The following SORCS2 variants were observed in gnomAD, a reference collection of about 807,000 sequenced individuals.
The protein encoded by SORCS2 is sortilin related VPS10 domain containing receptor 2.
Under a neutral mutation model 141.6 loss-of-function variants are expected in SORCS2, and 100 were observed. The ratio of observed to expected loss-of-function variants is 0.71; its 90% CI spans 0.60 to 0.83. The LOEUF (loss-of-function observed/expected upper bound fraction) is 0.83. Among genes scored for constraint, SORCS2 ranks in the 40% least tolerant of loss-of-function variants. The probability of loss-of-function intolerance (pLI) is 0.00; values close to 1 mark genes in which losing one functional copy is unlikely to be tolerated. For missense variants in SORCS2, 1,646 were observed against 1,560.2 expected, an observed-to-expected ratio of 1.05 and a Z score of -0.93; for synonymous variants, 789 against 676.9, an observed-to-expected ratio of 1.17 and a Z score of -2.57.
chr4:7,404,582 T>C (rs1724849928), intron 2 of SORCS2, among the ~76,000 whole-genome samples: 1 of 152,214 alleles, frequency 6.6e-6, no homozygotes, highest in East Asian at 1.9e-4. Context: ...TGGATCTAAT[T>C]TGCATTTCTC....
chr4:7,728,142 C>T (rs1199718935), intron 21 of SORCS2, among the ~76,000 whole-genome samples: 1 of 152,204 alleles, frequency 6.6e-6, no homozygotes, highest in Non-Finnish European at 1.5e-5. Context: ...CCACTGCTGG[C>T]ATCCAGGGAA....
chr4:7,241,012 G>A (rs1356450066), intron 1 of SORCS2, among the ~76,000 whole-genome samples: 2 of 152,194 alleles, frequency 1.3e-5, no homozygotes, highest in Admixed American at 6.5e-5. Flanking sequence ...TCGGCTCACT[G>A]CAACCTCTGC....
At chr4:7,237,054 A>G (rs1247527646) in intron 1 of SORCS2, among the ~76,000 whole-genome samples, 2 of 152,180 alleles carry the variant, frequency 1.3e-5, no homozygotes, top group Non-Finnish European at 2.9e-5. Flanking sequence ...GCCAGCGCAC[A>G]TGGTCACTGG....
chr4:7,338,382 C>T (rs1287066704), intron 1 of SORCS2, among the ~76,000 whole-genome samples: 2 of 131,218 alleles, frequency 1.5e-5, no homozygotes, highest in Non-Finnish European at 3.2e-5. Flanking sequence ...GGATGGATGT[C>T]GGTTGGATGG....
intron 2 of SORCS2, among the ~76,000 whole-genome samples, chr4:7,455,036 G>A (rs200442609): frequency 0.015 from 533 of 35,816 alleles, 2 homozygotes; most frequent in East Asian, 0.042. Context: ...TTGGGGTCAG[G>A]TGCTGTGTGT....
At chr4:7,215,139 G>A (rs976618726) in intron 1 of SORCS2, among the ~76,000 whole-genome samples, 2 of 152,156 alleles carry the variant, frequency 1.3e-5, no homozygotes, top group Admixed American at 6.5e-5. Context: ...GGAGAGGCGC[G>A]AGCGGGAACC....
At chr4:7,501,095 G>A (rs947888065) in intron 2 of SORCS2, among the ~76,000 whole-genome samples, 1 of 152,184 alleles carries the variant, frequency 6.6e-6, no homozygotes, top group South Asian at 2.1e-4. Flanking sequence ...TTTTCTCAGG[G>A]TGCTGACCTG....
rs1009947204 is a variant in SORCS2 at position 7,741,567 on chromosome 4, G to T, written c.*1303G>T. On this transcript the variant is annotated 3_prime_UTR_variant, in exon 27 of 27. Transcript: ENST00000507866. ...GACCGTGGCCTCCCTCTCAGAGGGGGAGAACGCCAGAGCCCTGGCTGGTGA... is the reference window on the plus strand; with the variant it reads ...GACCGTGGCCTCCCTCTCAGAGGGGTAGAACGCCAGAGCCCTGGCTGGTGA... 3.6e-5 allele frequency: 9 copies of T among 251,574 alleles called. No homozygotes were observed. Among genetic ancestry groups the T allele is most frequent in the Non-Finnish European group, 6.8e-5 (9 of 132,736 alleles). 15.6% of individuals were successfully genotyped at this position (251,574 alleles called of 1,614,324 possible).
chr4:7,462,652 C>G (rs1016034081), intron 2 of SORCS2, among the ~76,000 whole-genome samples: 6 of 151,788 alleles, frequency 4.0e-5, no homozygotes, highest in African/African-American at 7.3e-5. Flanking sequence ...AGGGATGGAG[C>G]CTCTTGTTCA....
At chr4:7,304,764 G>A (rs1717669643) in intron 1 of SORCS2, among the ~76,000 whole-genome samples, 2 of 150,642 alleles carry the variant, frequency 1.3e-5, no homozygotes, top group Non-Finnish European at 3.0e-5. Flanking sequence ...AGCTTGGTGG[G>A]GGGCCTCAGC....
chr4:7,431,837 G>T (rs1726884265), intron 2 of SORCS2: 1 of 152,208 alleles, frequency 6.6e-6, no homozygotes, highest in Admixed American at 6.5e-5. Flanking sequence ...TAAGAGCTCG[G>T]GTGTGGCCTC....
intron 14 of SORCS2, among the ~76,000 whole-genome samples, chr4:7,704,770 G>A (rs752164826): frequency 1.3e-4 from 20 of 152,212 alleles, no homozygotes; most frequent in Admixed American, 7.2e-4. Context: ...TTAGGACAGT[G>A]GGGACATGCG....
chr4:7,287,811 G>A (rs1384308522), intron 1 of SORCS2, among the ~76,000 whole-genome samples: 2 of 152,204 alleles, frequency 1.3e-5, no homozygotes, highest in Admixed American at 1.3e-4. Context: ...GCAGTGCCAC[G>A]GACAGACTTG....
rs113593926 is a variant in SORCS2, at chr4:7,714,341, C to T, written c.2091C>T (p.Arg697=). 1.2e-3 allele frequency: 1,914 copies of T among 1,566,380 alleles called. 26 individuals carry two copies. In the African/African-American group the frequency reaches 0.022, roughly 18 times the overall value. Residue 697 remains arginine, a synonymous_variant, in exon 16 of 27, where the codon CGC becomes CGT. Transcript: ENST00000507866. ...GRSFTSALTS[R]VCECRDSDFL... ...GCTTCACGTCGGCGCTCACGTCCCG[C>T]GTGTGCGAGTGCCGGGACTCGGACT...
At chr4:7,524,662 C>G (rs1375972380) in intron 2 of SORCS2, among the ~76,000 whole-genome samples, 1 of 152,030 alleles carries the variant, frequency 6.6e-6, no homozygotes, top group African/African-American at 2.4e-5. Context: ...CGCCGCCGCC[C>G]TTGTTCTTTC....
chr4:7,335,391 A>G (rs555674271), intron 1 of SORCS2, among the ~76,000 whole-genome samples: 3 of 152,314 alleles, frequency 2.0e-5, no homozygotes, highest in Middle Eastern at 3.4e-3. Context: ...TGATAACCCA[A>G]ACATTTTGCA....
At chr4:7,700,288 C>A (rs1255603179) in intron 12 of SORCS2, among the ~76,000 whole-genome samples, 4 of 152,234 alleles carry the variant, frequency 2.6e-5, no homozygotes, top group Non-Finnish European at 5.9e-5. Flanking sequence ...CGTCCTGTGG[C>A]AGGGCCTGAA....
intron 2 of SORCS2, among the ~76,000 whole-genome samples, chr4:7,454,179 G>A (rs1164024410): frequency 2.0e-4 from 23 of 114,502 alleles, no homozygotes; most frequent in South Asian, 1.4e-3. Flanking sequence ...GGGGTCAGGC[G>A]CTGTGTTGGG....
intron 1 of SORCS2, among the ~76,000 whole-genome samples, chr4:7,335,532 C>G (rs761431370): frequency 6.6e-6 from 1 of 152,174 alleles, no homozygotes; most frequent in South Asian, 2.1e-4. Context: ...TGCTCCGGCC[C>G]GAGGCCTCAT....
Sources: allele counts gnomAD v4.1 joint callset (sites outside exome capture counted in the v4.1 genomes callset), GRCh38; gene constraint gnomAD v4.1.1; transcripts MANE v1.5; gene names NCBI Gene and HGNC (gene_info 2026-07-23, HGNC 2026-07-21).